The following ST3GAL3 variants were observed in gnomAD, a reference collection of about 807,000 sequenced individuals.
ST3GAL3 encodes CMP-N-acetylneuraminate-beta-1,4-galactoside alpha-2,3-sialyltransferase.
In ST3GAL3, 21 loss-of-function variants were observed where a neutral mutation model predicts 50.1. The observed-to-expected ratio is 0.42, with a 90% CI of 0.30 to 0.60. The LOEUF is 0.60. Among genes scored for constraint, ST3GAL3 ranks in the 20% least tolerant of loss-of-function variants. The pLI is 0.19. For synonymous variants in ST3GAL3, 183 were observed against 190.0 expected, an observed-to-expected ratio of 0.96 and a Z score of 0.30; for missense variants, 353 against 489.4, an observed-to-expected ratio of 0.72 and a Z score of 2.63.
chr1:43,734,297 C>CTTTTTTTTTTTTT (rs751937263), intron 1 of ST3GAL3, among the ~76,000 whole-genome samples: 43 of 114,446 alleles, frequency 3.8e-4, no homozygotes, highest in East Asian at 1.4e-3. Flanking sequence ...TCTTCTTCTT[C>CTTTTTTTTTTTTT]TTTTTTTTTT....
At chr1:43,785,184 A>G (rs2057146664) in intron 2 of ST3GAL3, among the ~76,000 whole-genome samples, 1 of 152,204 alleles carries the variant, frequency 6.6e-6, no homozygotes, top group Non-Finnish European at 1.5e-5. Flanking sequence ...TGGCGACGTG[A>G]ACATTGAGGT....
At chr1:43,709,265 AATCCAAGAGGTACCTTT>A (rs1663307488) in intron 1 of ST3GAL3, 1 of 152,286 alleles carries the variant, frequency 6.6e-6, no homozygotes, top group South Asian at 2.1e-4. Flanking sequence ...TGATGGCATT[AATCCAAGAGGTACCTTT>A]GTCCTGTGTG....
intron 5 of ST3GAL3, among the ~76,000 whole-genome samples, chr1:43,862,470 C>T (rs1174698895): frequency 6.6e-6 from 1 of 152,200 alleles, no homozygotes; most frequent in Non-Finnish European, 1.5e-5. Context: ...TCACCACACT[C>T]CTTGCAGCTG....
intron 3 of ST3GAL3, among the ~76,000 whole-genome samples, chr1:43,810,701 A>C (rs2060455146): frequency 6.6e-6 from 1 of 152,148 alleles, no homozygotes; most frequent in Non-Finnish European, 1.5e-5. Flanking sequence ...TACTGGTACA[A>C]GCTCCGCCAG....
chr1:43,708,431 A>G (rs1308748530), intron 1 of ST3GAL3, among the ~76,000 whole-genome samples: 1 of 152,224 alleles, frequency 6.6e-6, no homozygotes, highest in Non-Finnish European at 1.5e-5. Context: ...CAGAAAGTAA[A>G]ATACTCAAAC....
intron 11 of ST3GAL3, among the ~76,000 whole-genome samples, chr1:43,927,574 T>G (rs1346928500): frequency 6.6e-6 from 1 of 152,144 alleles, no homozygotes; most frequent in Non-Finnish European, 1.5e-5. Flanking sequence ...GCAAACGAGT[T>G]TCCACATCTG....
At chr1:43,783,258 G>A (rs990333956) in intron 2 of ST3GAL3, among the ~76,000 whole-genome samples, 3 of 152,154 alleles carry the variant, frequency 2.0e-5, no homozygotes, top group African/African-American at 2.4e-5. Flanking sequence ...CCCTGCCCTC[G>A]ACCTCTTCTG....
chr1:43,897,693 G>A (rs1291671112), intron 6 of ST3GAL3, among the ~76,000 whole-genome samples: 3 of 152,216 alleles, frequency 2.0e-5, no homozygotes, highest in African/African-American at 7.2e-5. Context: ...CTGGCAAAGA[G>A]CAGGATTCAG....
In ST3GAL3 at chr1:43,899,727, G is replaced by A; in HGVS notation, c.744G>A (p.Val248=). 6.2e-7 allele frequency: 1 copy of A among 1,612,854 alleles called. No individual in the cohort carries two copies. The highest frequency in any genetic ancestry group is 8.5e-7 in the Non-Finnish European group (1 of 1,179,072). Reference sequence around the variant, plus strand: ...AATACATCGTCTACAAGGAGAGAGTGGTAAGCTCTCCTGGCACCAGCTTCT... The same window carrying A: ...AATACATCGTCTACAAGGAGAGAGTAGTAAGCTCTCCTGGCACCAGCTTCT... ...WLKYIVYKER[V]SASDGFWKSV... is the part of the protein sequence containing the mutation. Residue 248 remains valine, a splice_region_variant and synonymous_variant, in exon 9 of 12, where the codon GTG becomes GTA. Transcript: ENST00000347631. The surrounding 1 kb of genome is among the most constrained non-coding windows in gnomAD (Gnocchi z 5.4).
At chr1:43,862,085 A>G (rs1421714204) in intron 5 of ST3GAL3, among the ~76,000 whole-genome samples, 1 of 151,968 alleles carries the variant, frequency 6.6e-6, no homozygotes, top group African/African-American at 2.4e-5. Flanking sequence ...GAGTAACTTG[A>G]ACGTTGTCTG....
At chr1:43,757,753 G>T (rs1223110090) in intron 2 of ST3GAL3, among the ~76,000 whole-genome samples, 2 of 151,906 alleles carry the variant, frequency 1.3e-5, no homozygotes, top group Non-Finnish European at 2.9e-5. Context: ...TCTTAAATAG[G>T]GCAGAAAAGC....
chr1:43,867,185 G>C (rs776159426), intron 5 of ST3GAL3, among the ~76,000 whole-genome samples: 1 of 152,048 alleles, frequency 6.6e-6, no homozygotes, highest in African/African-American at 2.4e-5. Context: ...TGAGAATAGC[G>C]CAGGAAAGAC....
intron 5 of ST3GAL3, among the ~76,000 whole-genome samples, chr1:43,843,573 T>C (rs932899832): frequency 2.6e-5 from 4 of 152,324 alleles, no homozygotes; most frequent in Non-Finnish European, 5.9e-5. Flanking sequence ...GTCTTTAGTT[T>C]TGGTAATATA....
Position 43,749,687 on chromosome 1 carries a change from C to G in ST3GAL3, c.118+13307C>G, listed in dbSNP as rs114102131. 6.2e-3 allele frequency among the ~76,000 whole-genome samples: 946 copies of G among 152,336 alleles called. 9 individuals are homozygous for G. The highest frequency in any genetic ancestry group is 0.022 in the African/African-American group (904 of 41,568). ...AGCACCTTGCTATGGTTTGAATGTTCTTGTCCCTTCCAGAAATTCTTGTGT... is the reference window on the plus strand; with the variant it reads ...AGCACCTTGCTATGGTTTGAATGTTGTTGTCCCTTCCAGAAATTCTTGTGT... On this transcript the variant is annotated intron_variant, in intron 2 of 11. Coordinates refer to ENST00000347631, the MANE Select transcript of ST3GAL3 (RefSeq NM_006279.5).
At chr1:43,794,437 G>A (rs1203481082) in intron 3 of ST3GAL3, among the ~76,000 whole-genome samples, 2 of 129,140 alleles carry the variant, frequency 1.5e-5, no homozygotes, top group African/African-American at 5.2e-5. Flanking sequence ...GTGGTGCAGT[G>A]GAAACTCTGA....
chr1:43,745,583 A>G (rs972913960), intron 2 of ST3GAL3, among the ~76,000 whole-genome samples: 1 of 152,214 alleles, frequency 6.6e-6, no homozygotes, highest in African/African-American at 2.4e-5. Context: ...GTGGTTCCGT[A>G]AGATTATAAT....
intron 1 of ST3GAL3, among the ~76,000 whole-genome samples, chr1:43,713,182 T>G (rs575005622): frequency 1.3e-5 from 2 of 152,298 alleles, no homozygotes; most frequent in South Asian, 4.2e-4. Flanking sequence ...GAGCGGCATG[T>G]CTGTGTGCTT....
intron 5 of ST3GAL3, among the ~76,000 whole-genome samples, chr1:43,886,094 A>G (rs921393367): frequency 6.6e-6 from 1 of 152,228 alleles, no homozygotes; most frequent in Non-Finnish European, 1.5e-5. Flanking sequence ...GAAATGATAA[A>G]TGTTGGCCGG....
chr1:43,850,040 T>C (rs1009637828), intron 5 of ST3GAL3, among the ~76,000 whole-genome samples: 4 of 152,362 alleles, frequency 2.6e-5, no homozygotes, highest in East Asian at 1.9e-4. Flanking sequence ...TTTATTTTTC[T>C]AGAATAATTA....
Sources: gnomAD v4.1 joint callset for allele counts (sites outside exome capture counted in the v4.1 genomes callset) on GRCh38, gnomAD v4.1.1 for gene constraint, Gnocchi (gnomAD v3.1) non-coding constraint, MANE v1.5 for transcripts, NCBI Gene and HGNC (gene_info 2026-07-23, HGNC 2026-07-21) for gene names.